Variants in GALNTL6 observed in about 807,000 individuals in gnomAD.
GALNTL6 encodes polypeptide N-acetylgalactosaminyltransferase like 6.
A neutral mutation model predicts 73.7 loss-of-function variants in GALNTL6; 46 were observed. The ratio of observed to expected loss-of-function variants is 0.62; its 90% CI spans 0.49 to 0.80. The LOEUF (loss-of-function observed/expected upper bound fraction) is 0.80. Ranked by LOEUF, GALNTL6 falls within the 30% of genes least tolerant of loss-of-function variation. The pLI is 0.00. For synonymous variants in GALNTL6, 259 were observed against 263.7 expected, an observed-to-expected ratio of 0.98 and a Z score of 0.17; for missense variants, 604 against 755.0, an observed-to-expected ratio of 0.80 and a Z score of 2.34.
chr4:172,361,688 G>A (rs1390311321), intron 5 of GALNTL6, among the ~76,000 whole-genome samples: 3 of 152,116 alleles, frequency 2.0e-5, no homozygotes, highest in African/African-American at 7.2e-5. Flanking sequence ...GTCAAAAGGG[G>A]CATAAAATGG....
chr4:171,912,834 A>G (rs1737514408), intron 2 of GALNTL6, among the ~76,000 whole-genome samples: 1 of 152,226 alleles, frequency 6.6e-6, no homozygotes, highest in Non-Finnish European at 1.5e-5. Flanking sequence ...TTCACTTAAC[A>G]TAATGATCTC....
chr4:171,814,385 G>C, intron 1 of GALNTL6, 27 bp from the exon 2 acceptor site: 2 of 603,670 alleles, frequency 3.3e-6, no homozygotes, highest in South Asian at 4.3e-5. Context: ...TTTCTGGGGG[G>C]AAAGTAACTG....
intron 3 of GALNTL6, among the ~76,000 whole-genome samples, chr4:172,288,871 G>A (rs1159349751): frequency 1.4e-4 from 22 of 151,882 alleles, no homozygotes; most frequent in Admixed American, 1.4e-3. Flanking sequence ...AAAAATACAG[G>A]GATTACATTA....
chr4:172,348,352 A>G (rs898313640), intron 4 of GALNTL6, among the ~76,000 whole-genome samples, 171 bp from the exon 5 acceptor site: 1 of 152,234 alleles, frequency 6.6e-6, no homozygotes, highest in African/African-American at 2.4e-5. Context: ...GAGATCATTA[A>G]TGCATTCCGT....
intron 2 of GALNTL6, among the ~76,000 whole-genome samples, chr4:171,838,544 T>C (rs1735162685): frequency 1.3e-5 from 2 of 152,200 alleles, no homozygotes; most frequent in African/African-American, 4.8e-5. Flanking sequence ...CTCATAGATA[T>C]TTAGCACTGA....
intron 4 of GALNTL6, among the ~76,000 whole-genome samples, chr4:172,326,847 A>T (rs962427056): frequency 6.6e-6 from 1 of 151,608 alleles, no homozygotes; most frequent in African/African-American, 2.4e-5. Context: ...TTTTTGTGTT[A>T]TTTTAAGTTG....
chr4:171,854,680 G>T (rs1314952341), intron 2 of GALNTL6, among the ~76,000 whole-genome samples: 1 of 152,174 alleles, frequency 6.6e-6, no homozygotes, highest in South Asian at 2.1e-4. Context: ...GGTGCTAGAG[G>T]ATTTGGTGAC....
At chr4:172,933,691 T>C (rs1169108641) in intron 9 of GALNTL6, among the ~76,000 whole-genome samples, 5 of 152,204 alleles carry the variant, frequency 3.3e-5, no homozygotes, top group Non-Finnish European at 2.9e-5. Flanking sequence ...TGATATTTTG[T>C]GGGAGCACCT....
At chr4:172,793,442 A>C (rs535781079) in intron 5 of GALNTL6, among the ~76,000 whole-genome samples, 2 of 152,302 alleles carry the variant, frequency 1.3e-5, no homozygotes, top group Admixed American at 6.5e-5. Flanking sequence ...GAAAAAATCA[A>C]CATCATGTCT....
chr4:172,444,457 C>T (rs1731947446), intron 5 of GALNTL6, among the ~76,000 whole-genome samples: 1 of 152,102 alleles, frequency 6.6e-6, no homozygotes, highest in Admixed American at 6.6e-5. Context: ...GGGCCAATGA[C>T]TTTTTGTAAA....
At chr4:171,851,760 C>T (rs567723682) in intron 2 of GALNTL6, among the ~76,000 whole-genome samples, 1 of 152,268 alleles carries the variant, frequency 6.6e-6, no homozygotes, top group South Asian at 2.1e-4. Context: ...ATCTTTGTGT[C>T]TGAAAGGCCA....
At chr4:172,758,593 A>G (rs1458425928) in intron 5 of GALNTL6, among the ~76,000 whole-genome samples, 2 of 152,218 alleles carry the variant, frequency 1.3e-5, no homozygotes, top group East Asian at 1.9e-4. Context: ...CCCCATCAGT[A>G]TATCTAAATT....
At chr4:172,553,112 T>C (rs1302989487) in intron 5 of GALNTL6, among the ~76,000 whole-genome samples, 6 of 152,288 alleles carry the variant, frequency 3.9e-5, no homozygotes, top group African/African-American at 1.4e-4. Flanking sequence ...TTTGTGTATA[T>C]ACCAAGCTAA....
intron 3 of GALNTL6, among the ~76,000 whole-genome samples, chr4:172,246,197 G>A (rs968639389): frequency 1.3e-5 from 2 of 152,100 alleles, no homozygotes; most frequent in African/African-American, 4.8e-5. Flanking sequence ...GTTACTAGGC[G>A]TTTCGTTCGA....
chr4:173,011,681 G>T (rs1444064543), intron 11 of GALNTL6, among the ~76,000 whole-genome samples: 1 of 152,126 alleles, frequency 6.6e-6, no homozygotes, highest in African/African-American at 2.4e-5. Context: ...AAAATGAGTT[G>T]ACTGTAGGTG....
intron 2 of GALNTL6, among the ~76,000 whole-genome samples, chr4:172,095,000 A>C (rs1579132781): frequency 7.4e-6 from 1 of 134,242 alleles, no homozygotes; most frequent in Admixed American, 7.5e-5. Flanking sequence ...CCACCCTTTT[A>C]TGTTTTCAAA....
chr4:172,674,159 G>A (rs747217891), intron 5 of GALNTL6, among the ~76,000 whole-genome samples: 5 of 152,094 alleles, frequency 3.3e-5, no homozygotes, highest in African/African-American at 4.8e-5. Flanking sequence ...GGTAGGTCCC[G>A]TGGTGACAAT....
intron 2 of GALNTL6, among the ~76,000 whole-genome samples, chr4:172,014,937 G>T (rs1741138606): frequency 6.6e-6 from 1 of 151,918 alleles, no homozygotes; most frequent in African/African-American, 2.4e-5. Context: ...TTTGACTTTT[G>T]CAGAAATTTA....
intron 3 of GALNTL6, among the ~76,000 whole-genome samples, chr4:172,275,773 A>G (rs950753518): frequency 6.6e-6 from 1 of 152,166 alleles, no homozygotes; most frequent in African/African-American, 2.4e-5. Flanking sequence ...CCTGGCCAAC[A>G]TGGTGAAACC....
Sources: gnomAD v4.1 joint callset for allele counts (sites outside exome capture counted in the v4.1 genomes callset) on GRCh38, gnomAD v4.1.1 for gene constraint, MANE v1.5 for transcripts, NCBI Gene and HGNC (gene_info 2026-07-23, HGNC 2026-07-21) for gene names.